The following OR4K1 variants were observed in gnomAD, a reference collection of about 807,000 sequenced individuals.
The protein encoded by OR4K1 is olfactory receptor family 4 subfamily K member 1, also known as olfactory receptor 4K1.
OR4K1 carries 16 observed loss-of-function variants against 14.4 expected under a neutral mutation model. That is an observed-to-expected ratio of 1.11 (90% CI 0.75 to 1.68). The LOEUF is 1.68. OR4K1 is among the 40% of genes most tolerant of loss of function. OR4K1 has a pLI of 0.00. For missense variants in OR4K1, 548 were observed against 376.9 expected (o/e 1.45, Z -3.76); for synonymous variants, 181 against 133.1 (o/e 1.36, Z -2.48).
In OR4K1 at chr14:19,936,327, A is replaced by T. The variant is rs776867878; in HGVS notation, c.661A>T (p.Ile221Phe). ...GGCTTTAATTATTTCCTACACCATC[A>T]TTTTGATCGGTGTCCGATGCAGGTC... ...FLALIISYTI[I>F]LIGVRCRSSS... Residue 221 changes from isoleucine (I) to phenylalanine (F), a missense_variant, in exon 2 of 2, where the codon ATT (isoleucine) becomes TTT (phenylalanine). By Grantham distance (21) the Ile-to-Phe change is conservative. Transcript: ENST00000641172. 2.5e-6 allele frequency: 4 copies of T among 1,614,150 alleles called. No homozygotes were observed. The highest frequency in any genetic ancestry group is 2.7e-5 in the African/African-American group (2 of 74,948).
chr14:19,935,933 C>T lies in OR4K1; in HGVS notation c.267C>T (p.Arg89=), dbSNP rs1164552046. ...TGCTTGTAGACTTTTTTATTGAGCG[C>T]AAGACTATCTCCTTTGAGGGTTGCA... ...PKMLVDFFIE[R]KTISFEGCMA... The change falls in exon 2 of 2, where the codon CGC becomes CGT. Residue 89 remains arginine (R), a synonymous_variant. Coordinates refer to ENST00000641172, the MANE Select transcript of OR4K1 (RefSeq NM_001004063.3). 1 of 1,614,174 alleles carries T rather than the reference C, an allele frequency of 6.2e-7. No individual in the cohort carries two copies. The highest frequency in any genetic ancestry group is 8.5e-7 in the Non-Finnish European group (1 of 1,180,012).
chr14:19,933,964 C>G (rs1484939649), intron 1 of OR4K1, among the ~76,000 whole-genome samples: 1 of 152,212 alleles, frequency 6.6e-6, no homozygotes, highest in Non-Finnish European at 1.5e-5. Flanking sequence ...ATATAGTGCT[C>G]CAACATCCAG....
the OR4K1 span, among the ~76,000 whole-genome samples, chr14:19,922,873 A>G: frequency 6.6e-6 from 1 of 152,180 alleles, no homozygotes; most frequent in East Asian, 1.9e-4. Context: ...AAAATTTATC[A>G]GCTGTTCAAA....
At chr14:19,927,531 A>G (rs1309491599), upstream of OR4K1, among the ~76,000 whole-genome samples, 1 of 152,226 alleles carries the variant, frequency 6.6e-6, no homozygotes, top group African/African-American at 2.4e-5. Flanking sequence ...AAGTGTGTAG[A>G]TTTTTGTACT....
chr14:19,927,769 C>T (rs557310327), upstream of OR4K1, among the ~76,000 whole-genome samples: 104 of 152,320 alleles, frequency 6.8e-4, no homozygotes, highest in Non-Finnish European at 1.3e-3. Flanking sequence ...TATTGGAATT[C>T]ATTCCTATTC....
chr14:19,936,608 AT>A lies in OR4K1; in HGVS notation c.*8del, dbSNP rs1368945467. On this transcript the variant is annotated 3_prime_UTR_variant, in exon 2 of 2. Coordinates refer to ENST00000641172, the MANE Select transcript of OR4K1 (RefSeq NM_001004063.3). Reference sequence around the variant, plus strand: ...TGAACTCCTGGAAAAACTAGGGATCATTACGAAGGAGCATAATCCTGAATTA... The same window carrying A: ...TGAACTCCTGGAAAAACTAGGGATCATACGAAGGAGCATAATCCTGAATTA... 9 of 1,583,898 alleles carry A rather than the reference AT, an allele frequency of 5.7e-6. No individual in the cohort carries two copies. In the Admixed American group the frequency reaches 7.2e-5, roughly 13 times the overall value.
upstream of OR4K1, among the ~76,000 whole-genome samples, chr14:19,930,302 ATT>A (rs560454756): frequency 1.3e-3 from 192 of 152,114 alleles, no homozygotes; most frequent in Non-Finnish European, 2.4e-3. Context: ...CTTACCTTCA[ATT>A]TTTTTACTTA....
chr14:19,936,043 T>C lies in OR4K1; in HGVS notation c.377T>C (p.Ile126Thr). 6.2e-7 allele frequency: 1 copy of C among 1,614,256 alleles called. No homozygotes were observed. The highest frequency in any genetic ancestry group is 8.5e-7 in the Non-Finnish European group (1 of 1,180,042). ...ATGGCATATGACAGATTTATAGCCA[T>C]ATGTAAGCCTCTGCACTACAGTACA... The part of the protein sequence containing the change: ...VAMAYDRFIA[I>T]CKPLHYSTIM... The change falls in exon 2 of 2, where the codon ATA (isoleucine) becomes ACA (threonine). Residue 126 changes from isoleucine (I) to threonine (T), a missense_variant. Coordinates refer to ENST00000641172, the MANE Select transcript of OR4K1 (RefSeq NM_001004063.3).
chr14:19,921,571 T>C, the OR4K1 span: 3 of 1,608,562 alleles, frequency 1.9e-6, no homozygotes, highest in East Asian at 4.5e-5. Flanking sequence ...AGAACTTCCT[T>C]TCATTAAGAC....
At chr14:19,933,189 T>C (rs1245772238) in intron 1 of OR4K1, among the ~76,000 whole-genome samples, 3 of 151,802 alleles carry the variant, frequency 2.0e-5, no homozygotes, top group South Asian at 2.1e-4. Flanking sequence ...TCTATACCAA[T>C]AGAAGTATAA....
the OR4K1 span, chr14:19,920,843 T>TA: frequency 1.9e-6 from 3 of 1,614,214 alleles, no homozygotes; most frequent in Non-Finnish European, 2.5e-6. Context: ...TTGCTACCCC[T>TA]AAAATGATTG....
upstream of OR4K1, among the ~76,000 whole-genome samples, chr14:19,928,585 T>C (rs1436677011): frequency 6.6e-6 from 1 of 152,174 alleles, no homozygotes; most frequent in African/African-American, 2.4e-5. Context: ...TTATTTTTAA[T>C]TGGGCATATT....
intron 1 of OR4K1, among the ~76,000 whole-genome samples, chr14:19,933,268 T>A (rs1325534256): frequency 6.6e-6 from 1 of 152,100 alleles, no homozygotes; most frequent in Non-Finnish European, 1.5e-5. Flanking sequence ...AAATAAATAA[T>A]TTTTTATTCC....
chr14:19,936,706 C>G lies in OR4K1; in HGVS notation c.*104C>G, dbSNP rs915002666. On this transcript the variant is annotated 3_prime_UTR_variant, in exon 2 of 2. Coordinates refer to ENST00000641172, the MANE Select transcript of OR4K1 (RefSeq NM_001004063.3). ...GCCAGACATATGGGTTATTGAGTTA[C>G]AGAATTGGCTTTTTGTTTTAAGTGC... is the stretch of plus-strand genomic sequence containing the variant. 2.7e-6 allele frequency: 3 copies of G among 1,094,446 alleles called. No homozygotes were observed. In the African/African-American group the frequency reaches 4.8e-5, roughly 17 times the overall value. 67.8% of individuals were successfully genotyped at this position (1,094,446 alleles called of 1,614,324 possible).
the OR4K1 span, among the ~76,000 whole-genome samples, chr14:19,924,093 A>G: frequency 2.6e-5 from 4 of 152,246 alleles, no homozygotes; most frequent in Non-Finnish European, 5.9e-5. Flanking sequence ...CATCTATGAC[A>G]TGCTTGAAAA....
chr14:19,932,480 T>A (rs570294049), intron 1 of OR4K1, among the ~76,000 whole-genome samples: 77 of 152,304 alleles, frequency 5.1e-4, no homozygotes, highest in African/African-American at 1.8e-3. Context: ...ACAAGTGACA[T>A]CGCCATTTCA....
chr14:19,933,391 T>A (rs1267520875), intron 1 of OR4K1, among the ~76,000 whole-genome samples: 1 of 152,204 alleles, frequency 6.6e-6, no homozygotes, highest in Admixed American at 6.5e-5. Flanking sequence ...TTTAGGAATT[T>A]TTTTACTCTT....
chr14:19,935,783 GC>G lies in OR4K1; in HGVS notation c.118del (p.Leu40Ter), dbSNP rs1882295466. The G allele has an allele frequency of 6.2e-7, 1 of 1,613,972 alleles. No homozygotes were observed. Among genetic ancestry groups the G allele is most frequent in the Non-Finnish European group, 8.5e-7 (1 of 1,179,960 alleles). ...TCTCTATAGTCTATGTGACATCAGT[GC>G]TAGGCAATGTCTTAATTATTGTCAT... ...IFSIVYVTSV[L>X]GNVLIIVIIS... On this transcript the variant is annotated frameshift_variant, in exon 2 of 2. Coordinates refer to ENST00000641172, the MANE Select transcript of OR4K1 (RefSeq NM_001004063.3). LOFTEE classifies it high-confidence loss of function.
chr14:19,929,788 G>T (rs988348349), upstream of OR4K1, among the ~76,000 whole-genome samples: 39 of 152,246 alleles, frequency 2.6e-4, no homozygotes, highest in African/African-American at 9.1e-4. Flanking sequence ...GTTGACACTG[G>T]GTCTTCCCTG....
Sources: gnomAD v4.1 joint callset for allele counts (sites outside exome capture counted in the v4.1 genomes callset) on GRCh38, gnomAD v4.1.1 for gene constraint, MANE v1.5 for transcripts, NCBI Gene and HGNC (gene_info 2026-07-23, HGNC 2026-07-21) for gene names.